Variants in TOX3 observed in about 807,000 individuals in gnomAD.
TOX3 encodes TOX high mobility group box family member 3.
Under a neutral mutation model 64.3 loss-of-function variants are expected in TOX3, and 22 were observed. That is an observed-to-expected ratio of 0.34 (90% CI 0.24 to 0.49). TOX3 has a LOEUF of 0.49. Among genes scored for constraint, TOX3 ranks in the 20% least tolerant of loss-of-function variants. TOX3 has a pLI of 0.99. For synonymous variants in TOX3, 291 were observed against 273.6 expected (o/e 1.06, Z -0.63); for missense variants, 661 against 714.4 (o/e 0.93, Z 0.85).
chr16:52,532,549 A>G (rs1023791385), intron 1 of TOX3, among the ~76,000 whole-genome samples: 2 of 152,262 alleles, frequency 1.3e-5, no homozygotes, highest in Non-Finnish European at 2.9e-5. Context: ...GAATAGGATA[A>G]GCACTGCCCT....
chr16:52,466,149 C>T (rs1007135951), intron 2 of TOX3, among the ~76,000 whole-genome samples: 2 of 152,310 alleles, frequency 1.3e-5, no homozygotes, highest in Middle Eastern at 3.4e-3. Context: ...TCTAACATAT[C>T]ACATTAACAA....
chr16:52,492,557 G>GTATATAAATATA lies in TOX3; in HGVS notation c.88-23995_88-23984dup, dbSNP rs1261506989. Among the ~76,000 whole-genome samples, 28 of 51,962 alleles carry GTATATAAATATA rather than the reference G, an allele frequency of 5.4e-4. 2 individuals are homozygous for GTATATAAATATA. The highest frequency in any genetic ancestry group is 7.0e-4 in the African/African-American group (7 of 10,004). 34.1% of individuals were successfully genotyped at this position (51,962 alleles called of 152,430 possible). A position where few individuals can be genotyped will look rare whatever the true frequency, so the allele number is the denominator to read the frequency against. ...CCAATAACACAACACTATATTAGTTGTATATAAATATATATATATATATAT... is the reference window on the plus strand; with the variant it reads ...CCAATAACACAACACTATATTAGTTGTATATAAATATATATATAAATATATATATATATATAT... On this transcript the variant is annotated intron_variant, in intron 1 of 6. Coordinates refer to ENST00000219746, the MANE Select transcript of TOX3 (RefSeq NM_001080430.4).
chr16:52,485,191 AGT>A lies in TOX3; in HGVS notation c.88-16619_88-16618del, dbSNP rs568622692. Among the ~76,000 whole-genome samples the A allele has an allele frequency of 4.4e-3, 637 of 143,156 alleles. 3 individuals carry two copies. Among genetic ancestry groups the A allele is most frequent in the African/African-American group, 0.015 (543 of 36,926 alleles). 93.9% of individuals were successfully genotyped at this position (143,156 alleles called of 152,430 possible). ...TATGTATATATGCGTGTGTATATGTAGTGTGTGTGTATATGTGTGTGTGTATA... is the reference window on the plus strand; with the variant it reads ...TATGTATATATGCGTGTGTATATGTAGTGTGTGTATATGTGTGTGTGTATA... On this transcript the variant is annotated intron_variant, in intron 1 of 6. Transcript: ENST00000219746.
chr16:52,439,944 G>C lies in TOX3; in HGVS notation c.1012C>G (p.Gln338Glu), dbSNP rs1464882312. The C allele has an allele frequency of 6.4e-7, 1 of 1,570,662 alleles. No homozygotes were observed. The highest frequency in any genetic ancestry group is 2.2e-5 in the East Asian group (1 of 44,452). ...SKAAAESAEAQTIRSVQQTLA... is the reference protein window; with the variant it reads ...SKAAAESAEAETIRSVQQTLA... The stretch of plus-strand genomic sequence containing the variant: ...GTCTGCTGAACAGAACGGATGGTCT[G>C]GGCTTCTGCTGACTCAGCAGCAGCC... The change falls in exon 7 of 7, where the codon CAG becomes GAG. Residue 338 changes from glutamine (Q) to glutamate (E), a missense_variant. Coordinates refer to ENST00000219746, the MANE Select transcript of TOX3 (RefSeq NM_001080430.4).
chr16:52,442,354 T>C (rs1167544856), intron 6 of TOX3, among the ~76,000 whole-genome samples: 1 of 152,222 alleles, frequency 6.6e-6, no homozygotes, highest in Non-Finnish European at 1.5e-5. Context: ...TCACTCCCTG[T>C]AAGCTCACCC....
intron 1 of TOX3, among the ~76,000 whole-genome samples, chr16:52,478,380 G>A (rs1961277542): frequency 6.6e-6 from 1 of 152,112 alleles, no homozygotes; most frequent in East Asian, 1.9e-4. Flanking sequence ...ACTTTACGCA[G>A]GTTTCTGCTC....
At chr16:52,521,823 C>T (rs1041040340) in intron 1 of TOX3, among the ~76,000 whole-genome samples, 1 of 152,158 alleles carries the variant, frequency 6.6e-6, no homozygotes, top group Non-Finnish European at 1.5e-5. Flanking sequence ...GGGTGTGGAG[C>T]GGCAACATGG....
At chr16:52,444,533 A>ACACACC in intron 5 of TOX3, 177 bp from the exon 6 acceptor site, 2 of 435,618 alleles carry the variant, frequency 4.6e-6, no homozygotes, top group Non-Finnish European at 8.1e-6. Context: ...ACACACACAC[A>ACACACC]CGGATATTAA....
chr16:52,493,126 C>T (rs1961742168), intron 1 of TOX3, among the ~76,000 whole-genome samples: 1 of 152,104 alleles, frequency 6.6e-6, no homozygotes, highest in South Asian at 2.1e-4. Flanking sequence ...AAGAAATAGG[C>T]ACCTGGAATC....
At chr16:52,448,777 C>T (rs1423353241) in intron 4 of TOX3, among the ~76,000 whole-genome samples, 1 of 152,096 alleles carries the variant, frequency 6.6e-6, no homozygotes, top group Non-Finnish European at 1.5e-5. Context: ...ATTACTTTCA[C>T]ATCTTCTCAT....
intron 1 of TOX3, among the ~76,000 whole-genome samples, chr16:52,501,358 T>C (rs1217558512): frequency 6.6e-6 from 1 of 152,192 alleles, no homozygotes; most frequent in African/African-American, 2.4e-5. Context: ...CCAAAAATTA[T>C]AATTAAAAAT....
intron 1 of TOX3, among the ~76,000 whole-genome samples, chr16:52,509,061 G>A (rs975213630): frequency 5.9e-5 from 9 of 152,084 alleles, no homozygotes; most frequent in Non-Finnish European, 1.2e-4. Flanking sequence ...ATTTTAGGAA[G>A]TTTCTACTTT....
At chr16:52,515,064 G>A (rs1962417048) in intron 1 of TOX3, among the ~76,000 whole-genome samples, 1 of 118,972 alleles carries the variant, frequency 8.4e-6, no homozygotes, top group South Asian at 2.9e-4. Context: ...TAAGTCCCAT[G>A]AAAACAGAGC....
At chr16:52,503,612 C>T (rs1029221837) in intron 1 of TOX3, among the ~76,000 whole-genome samples, 7 of 152,032 alleles carry the variant, frequency 4.6e-5, no homozygotes, top group Admixed American at 4.6e-4. Context: ...TAATGCTTTA[C>T]AAAAAGGAAA....
chr16:52,511,179 A>G (rs1187008046), intron 1 of TOX3, among the ~76,000 whole-genome samples: 22 of 152,132 alleles, frequency 1.4e-4, no homozygotes, highest in Admixed American at 1.4e-3. Flanking sequence ...AAAAGCTGAG[A>G]GTCCAGGATA....
chr16:52,452,920 G>T (rs1960398608), intron 3 of TOX3, among the ~76,000 whole-genome samples: 1 of 152,140 alleles, frequency 6.6e-6, no homozygotes, highest in Non-Finnish European at 1.5e-5. Flanking sequence ...CTCCTTCGTT[G>T]TTCCTACAAT....
chr16:52,463,708 T>C (rs1349165604), intron 3 of TOX3, among the ~76,000 whole-genome samples: 2 of 152,176 alleles, frequency 1.3e-5, no homozygotes, highest in Non-Finnish European at 2.9e-5. Flanking sequence ...AAAATCATTT[T>C]AAATCAGCAG....
At chr16:52,478,419 G>T (rs950892598) in intron 1 of TOX3, among the ~76,000 whole-genome samples, 2 of 152,154 alleles carry the variant, frequency 1.3e-5, no homozygotes, top group African/African-American at 2.4e-5. Context: ...AGTCCTCCCA[G>T]GTCAGCTTAG....
intron 1 of TOX3, among the ~76,000 whole-genome samples, chr16:52,477,944 C>G (rs1961264784): frequency 1.3e-5 from 2 of 152,060 alleles, no homozygotes; most frequent in Admixed American, 1.3e-4. Context: ...CTCAAATGAT[C>G]CTCCCACTTA....
Sources: allele counts gnomAD v4.1 joint callset (sites outside exome capture counted in the v4.1 genomes callset), GRCh38; gene constraint gnomAD v4.1.1; transcripts MANE v1.5; gene names NCBI Gene and HGNC (gene_info 2026-07-23, HGNC 2026-07-21).